Variants in ANO3 observed in about 807,000 individuals in gnomAD.
ANO3 encodes anoctamin-3.
A neutral mutation model predicts 144.8 loss-of-function variants in ANO3; 99 were observed. The ratio of observed to expected loss-of-function variants is 0.68; its 90% confidence interval spans 0.58 to 0.81. ANO3 has a LOEUF of 0.81. Among genes scored for constraint, ANO3 ranks in the 30% least tolerant of loss-of-function variants. The pLI, the probability that ANO3 is intolerant of heterozygous loss-of-function variation, is 0.00. For missense variants in ANO3, 905 were observed against 1,202.2 expected (o/e 0.75, Z 3.66); for synonymous variants, 414 against 392.6 (o/e 1.05, Z -0.64).
intron 1 of ANO3, among the ~76,000 whole-genome samples, chr11:26,225,281 T>G (rs1190596896): frequency 6.6e-6 from 1 of 152,048 alleles, no homozygotes; most frequent in Non-Finnish European, 1.5e-5. Context: ...TGTGAGCCCC[T>G]TTTTAAGAAA....
chr11:26,194,454 G>GTATA lies in ANO3; in HGVS notation c.154+5125_154+5126insATAT, dbSNP rs879749565. 1.5e-4 allele frequency among the ~76,000 whole-genome samples: 22 copies of GTATA among 147,432 alleles called. No individual in the cohort carries two copies. The South Asian group carries it at 1.7e-3, about 12-fold the overall frequency. On this transcript the variant is annotated intron_variant, in intron 1 of 27. Transcript: ENST00000672621. ...GGTACATAGTGGTGTGTGTGTGTGT[G>GTATA]TGTGTGTGTGTGTGTGTGTGTGTGT...
intron 1 of ANO3, among the ~76,000 whole-genome samples, chr11:26,325,369 G>A (rs1361100383): frequency 1.3e-5 from 2 of 152,152 alleles, no homozygotes; most frequent in African/African-American, 4.8e-5. Flanking sequence ...TTACTTAGAG[G>A]AATTATAGTA....
chr11:26,537,381 A>G, intron 9 of ANO3, 25 bp from the exon 10 acceptor site: 1 of 1,584,316 alleles, frequency 6.3e-7, no homozygotes, highest in Non-Finnish European at 8.7e-7. Flanking sequence ...CTAACTCAAT[A>G]ACTGTCCTTT....
Position 26,513,457 on chromosome 11 carries a change from C to T in ANO3, c.592-3370C>T, listed in dbSNP as rs10128680. ...AGGGATCAGAATCTGGCTATCTGTA[C>T]GGTAAAGTAAAACAAATCGGGAACA... On this transcript the variant is annotated intron_variant, in intron 5 of 26. Transcript: ENST00000256737. 7.2e-5 allele frequency among the ~76,000 whole-genome samples: 11 copies of T among 152,030 alleles called. No individual in the cohort carries two copies. In the South Asian group the frequency reaches 1.0e-3, roughly 14 times the overall value.
intron 1 of ANO3, among the ~76,000 whole-genome samples, chr11:26,386,883 G>A (rs554842138): frequency 3.9e-5 from 6 of 152,090 alleles, no homozygotes; most frequent in African/African-American, 7.2e-5. Context: ...TGTATGTAAC[G>A]TGTTGATTTT....
At chr11:26,501,018 G>A (rs559813654) in intron 4 of ANO3, among the ~76,000 whole-genome samples, 2 of 152,166 alleles carry the variant, frequency 1.3e-5, no homozygotes, top group South Asian at 4.1e-4. Flanking sequence ...ATTAAAAATT[G>A]CCATAAAAGG....
At chr11:26,654,824 A>C (rs1015790411) in intron 24 of ANO3, among the ~76,000 whole-genome samples, 1 of 151,256 alleles carries the variant, frequency 6.6e-6, no homozygotes, top group African/African-American at 2.4e-5. Context: ...AATTTTATAA[A>C]ACATTTGTTT....
intron 20 of ANO3, among the ~76,000 whole-genome samples, chr11:26,636,325 G>T (rs1470292252): frequency 6.6e-6 from 1 of 152,170 alleles, no homozygotes; most frequent in Non-Finnish European, 1.5e-5. Flanking sequence ...TTTAAAAAGT[G>T]CTATGGTTTG....
At chr11:26,594,210 G>A (rs1490478189) in intron 14 of ANO3, among the ~76,000 whole-genome samples, 3 of 152,044 alleles carry the variant, frequency 2.0e-5, no homozygotes, top group Non-Finnish European at 2.9e-5. Flanking sequence ...AAATGTCTGC[G>A]GCACCAATCT....
chr11:26,597,139 C>T (rs756362454), intron 14 of ANO3, among the ~76,000 whole-genome samples: 16 of 152,280 alleles, frequency 1.1e-4, no homozygotes, highest in Non-Finnish European at 1.5e-4. Flanking sequence ...AAGCGCCGTA[C>T]GGGCCACCAA....
At chr11:26,530,459 G>GTCTATCTATCTATCTA (rs543380394) in intron 7 of ANO3, among the ~76,000 whole-genome samples, 8 of 123,948 alleles carry the variant, frequency 6.5e-5, no homozygotes, top group African/African-American at 2.4e-4. Context: ...CTATCTGTCT[G>GTCTATCTATCTATCTA]TCTATCTATC....
At chr11:26,319,098 T>A (rs1854696214) in intron 1 of ANO3, among the ~76,000 whole-genome samples, 2 of 151,966 alleles carry the variant, frequency 1.3e-5, no homozygotes, top group Non-Finnish European at 2.9e-5. Flanking sequence ...CACCTCAGCC[T>A]CCAACGTAGC....
chr11:26,454,519 T>C (rs1476147841), intron 3 of ANO3, among the ~76,000 whole-genome samples: 1 of 152,092 alleles, frequency 6.6e-6, no homozygotes, highest in Non-Finnish European at 1.5e-5. Context: ...CTCCCAAGAC[T>C]AAACAAGGAA....
At chr11:26,214,257 A>ATT in intron 1 of ANO3, among the ~76,000 whole-genome samples, 1 of 150,574 alleles carries the variant, frequency 6.6e-6, no homozygotes, top group South Asian at 2.1e-4. Flanking sequence ...TAATAAAATA[A>ATT]TTTTTTTTTT....
At chr11:26,546,817 C>T (rs118170720) in intron 11 of ANO3, among the ~76,000 whole-genome samples, 2,778 of 151,994 alleles carry the variant, frequency 0.018, 39 homozygotes, top group Non-Finnish European at 0.028. Flanking sequence ...AGCTTACAAT[C>T]GTATAGGGAG....
chr11:26,307,862 C>G (rs938090222), upstream of ANO3, among the ~76,000 whole-genome samples: 1 of 152,014 alleles, frequency 6.6e-6, no homozygotes, highest in African/African-American at 2.4e-5. Context: ...TTTTCTGCAT[C>G]TGCCTAGGGT....
chr11:26,516,148 A>G (rs1017862413), intron 5 of ANO3, among the ~76,000 whole-genome samples: 13 of 151,846 alleles, frequency 8.6e-5, no homozygotes, highest in African/African-American at 4.8e-5. Context: ...TCCAAGAATT[A>G]AACCACAGTA....
intron 4 of ANO3, among the ~76,000 whole-genome samples, chr11:26,493,185 G>A (rs1310610511): frequency 2.0e-5 from 3 of 152,132 alleles, no homozygotes. Context: ...TATGCCTCTT[G>A]TCCCTTCAAT....
At chr11:26,584,525 G>T (rs11029622) in intron 14 of ANO3, among the ~76,000 whole-genome samples, 18,337 of 152,168 alleles carry the variant, frequency 0.12, 1,329 homozygotes, top group African/African-American at 0.21. Flanking sequence ...GTTACATTAT[G>T]ACTGGATTCT....
Sources: allele counts gnomAD v4.1 joint callset (sites outside exome capture counted in the v4.1 genomes callset), GRCh38; gene constraint gnomAD v4.1.1; transcripts MANE v1.5; gene names NCBI Gene and HGNC (gene_info 2026-07-23, HGNC 2026-07-21).